The following CAMTA1 variants were observed in gnomAD, a reference collection of about 807,000 sequenced individuals.
CAMTA1 encodes the protein calmodulin binding transcription activator 1, also known as calmodulin-binding transcription activator 1.
A neutral mutation model predicts 170.9 loss-of-function variants in CAMTA1; 27 were observed. The ratio of observed to expected loss-of-function variants is 0.16; its 90% CI spans 0.12 to 0.22. The LOEUF (loss-of-function observed/expected upper bound fraction) is 0.22. CAMTA1 is among the 10% of genes least tolerant of loss of function. The probability of loss-of-function intolerance (pLI) is 1.00; values close to 1 mark genes in which losing one functional copy is unlikely to be tolerated. For missense variants in CAMTA1, 1,619 were observed against 2,217.2 expected, an observed-to-expected ratio of 0.73 and a Z score of 5.42; for synonymous variants, 833 against 891.5, an observed-to-expected ratio of 0.93 and a Z score of 1.17.
chr1:7,271,794 C>T (rs1261642330), intron 5 of CAMTA1, among the ~76,000 whole-genome samples: 2 of 152,114 alleles, frequency 1.3e-5, no homozygotes, highest in East Asian at 3.9e-4. Flanking sequence ...AACATCACTA[C>T]TGACCTTCTA....
chr1:7,347,801 G>A (rs74052952), intron 5 of CAMTA1, among the ~76,000 whole-genome samples: 4,412 of 152,078 alleles, frequency 0.029, 151 homozygotes, highest in African/African-American at 0.079. Context: ...GTTCTTCCCC[G>A]TGGCTCTGTG....
intron 6 of CAMTA1, among the ~76,000 whole-genome samples, chr1:7,503,161 A>G (rs1575675154): frequency 6.6e-6 from 1 of 152,248 alleles, no homozygotes; most frequent in Non-Finnish European, 1.5e-5. Flanking sequence ...CACAAGCCCT[A>G]GAAGCCTTGG....
rs2100832386 is a variant in CAMTA1, at chr1:7,014,328, A to G, written c.235-76976A>G. The G allele has an allele frequency of 6.6e-6, 1 of 152,418 alleles. No homozygotes were observed. Among genetic ancestry groups the G allele is most frequent in the South Asian group, 2.1e-4 (1 of 4,834 alleles). 9.4% of individuals were successfully genotyped at this position (152,418 alleles called of 1,614,324 possible). On this transcript the variant is annotated intron_variant, in intron 3 of 22. Transcript: ENST00000303635. The surrounding 1 kb of genome is among the most constrained non-coding windows in gnomAD (Gnocchi z 4.2). Reference sequence around the variant, plus strand: ...AGGCCCTGCAAAAGCTGCAAACAACAGTTTGTGTTTGGGGTGTGAGGCTAT... The same window carrying G: ...AGGCCCTGCAAAAGCTGCAAACAACGGTTTGTGTTTGGGGTGTGAGGCTAT...
chr1:6,860,635 C>T (rs564559794), intron 3 of CAMTA1, among the ~76,000 whole-genome samples: 9 of 152,120 alleles, frequency 5.9e-5, no homozygotes, highest in Non-Finnish European at 7.4e-5. Context: ...CAGGGCCGGG[C>T]GCAATGACTC....
chr1:6,948,873 G>A (rs958117994), intron 3 of CAMTA1, among the ~76,000 whole-genome samples: 1 of 152,168 alleles, frequency 6.6e-6, no homozygotes, highest in Non-Finnish European at 1.5e-5. Flanking sequence ...ATTTATTAAA[G>A]GGAAACAAAG....
intron 5 of CAMTA1, among the ~76,000 whole-genome samples, chr1:7,294,898 C>T (rs1405852697): frequency 6.6e-6 from 1 of 152,180 alleles, no homozygotes; most frequent in African/African-American, 2.4e-5. Context: ...CCCTGGTCCT[C>T]TCGCATCTGC....
chr1:7,529,595 C>T (rs1313873072), intron 6 of CAMTA1, among the ~76,000 whole-genome samples: 1 of 152,166 alleles, frequency 6.6e-6, no homozygotes, highest in East Asian at 1.9e-4. Flanking sequence ...GCCCCGAGTC[C>T]ACGTTCCCTG....
intron 5 of CAMTA1, among the ~76,000 whole-genome samples, chr1:7,255,705 G>A (rs1192065974): frequency 6.6e-6 from 1 of 152,156 alleles, no homozygotes; most frequent in Non-Finnish European, 1.5e-5. Flanking sequence ...CCAAATCTAA[G>A]TAACAAGGAG....
Position 7,736,294 on chromosome 1 carries a change from G to T in CAMTA1, c.3067-50G>T. ...TTCCCCTACATCGAAGCGCTGATGG[G>T]GTCGAGGGCCTTTAGTCCTGAGGTC... On this transcript the variant is annotated intron_variant, in intron 12 of 22. Transcript: ENST00000303635. This position sits in a 1 kb window ranked among gnomAD's most constrained non-coding sequence, Gnocchi z 4.5. The T allele has an allele frequency of 6.6e-7, 1 of 1,517,566 alleles. No homozygotes were observed. 94.0% of individuals were successfully genotyped at this position (1,517,566 alleles called of 1,614,324 possible).
At position 7,618,888 on chromosome 1, in the gene CAMTA1, CT is replaced by C. The variant is rs574508279; in HGVS notation, c.511-21502del. Among the ~76,000 whole-genome samples the C allele has an allele frequency of 6.6e-4, 99 of 149,210 alleles. 1 individual carries two copies. The highest frequency in any genetic ancestry group is 2.7e-3 in the Admixed American group (40 of 14,940). ...ATTTGGATTTCAATGTAGAGCCATC[CT>C]TTTTTTTTTAATCCAGAAATGCTTT... On this transcript the variant is annotated intron_variant, in intron 6 of 22. Transcript: ENST00000303635.
intron 4 of CAMTA1, among the ~76,000 whole-genome samples, chr1:7,245,227 CACAT>C (rs887745792): frequency 8.0e-5 from 12 of 150,800 alleles, no homozygotes; most frequent in Non-Finnish European, 1.5e-4. Flanking sequence ...CACACACACA[CACAT>C]ACATACATAC....
chr1:7,640,742 A>G (rs1343400693), intron 7 of CAMTA1, among the ~76,000 whole-genome samples, 189 bp downstream of exon 7: 1 of 152,230 alleles, frequency 6.6e-6, no homozygotes, highest in African/African-American at 2.4e-5. Context: ...CTCCCTATAC[A>G]ACAGCCAGGG....
chr1:7,448,712 A>C (rs765626914), intron 5 of CAMTA1, among the ~76,000 whole-genome samples: 1 of 152,194 alleles, frequency 6.6e-6, no homozygotes, highest in Admixed American at 6.5e-5. Context: ...TAGAAGAGGC[A>C]GGGGTCTCCC....
intron 5 of CAMTA1, among the ~76,000 whole-genome samples, chr1:7,339,744 G>A (rs916684773): frequency 6.6e-6 from 1 of 151,986 alleles, no homozygotes; most frequent in African/African-American, 2.4e-5. Flanking sequence ...TTACAGGTGT[G>A]CACCACCATG....
chr1:7,406,483 G>A (rs2090296947), intron 5 of CAMTA1, among the ~76,000 whole-genome samples: 1 of 152,158 alleles, frequency 6.6e-6, no homozygotes, highest in African/African-American at 2.4e-5. Flanking sequence ...CTCGGAGAGT[G>A]TCTTTGGTTT....
At chr1:6,800,162 T>C (rs1643549965) in intron 1 of CAMTA1, among the ~76,000 whole-genome samples, 2 of 152,038 alleles carry the variant, frequency 1.3e-5, no homozygotes, top group South Asian at 2.1e-4. Flanking sequence ...TCTAAGCACT[T>C]TGGGAGGCCG....
rs957533964 is a variant in CAMTA1 at position 6,933,868 on chromosome 1, T to C, written c.234+108658T>C. ...CAATACCCCACTGTCTTGACTAGTGTGGCTGTATAACAAGTCTTGAAATCC... is the reference window on the plus strand; with the variant it reads ...CAATACCCCACTGTCTTGACTAGTGCGGCTGTATAACAAGTCTTGAAATCC... On this transcript the variant is annotated intron_variant, in intron 3 of 22. Transcript: ENST00000303635. 3.9e-5 allele frequency among the ~76,000 whole-genome samples: 6 copies of C among 152,238 alleles called. No individual in the cohort carries two copies. In the South Asian group the frequency reaches 1.2e-3, roughly 31 times the overall value.
intron 1 of CAMTA1, among the ~76,000 whole-genome samples, chr1:6,796,703 C>A (rs558153081): frequency 6.6e-6 from 1 of 152,212 alleles, no homozygotes; most frequent in East Asian, 1.9e-4. Context: ...CTGGATTGTG[C>A]ACTCGTGTAG....
intron 5 of CAMTA1, among the ~76,000 whole-genome samples, chr1:7,328,277 GAGCTC>G (rs1002866920): frequency 7.9e-5 from 12 of 152,094 alleles, no homozygotes; most frequent in Non-Finnish European, 1.3e-4. Context: ...CAGGCGGATT[GAGCTC>G]AGGAGTTTGA....
Sources: allele counts gnomAD v4.1 joint callset (sites outside exome capture counted in the v4.1 genomes callset), GRCh38; gene constraint gnomAD v4.1.1; non-coding constraint Gnocchi (gnomAD v3.1); transcripts MANE v1.5; gene names NCBI Gene and HGNC (gene_info 2026-07-23, HGNC 2026-07-21).